The following CHEK2 variants were observed in gnomAD, a reference collection of about 807,000 sequenced individuals.
CHEK2 encodes the protein checkpoint kinase 2, also known as serine/threonine-protein kinase Chk2.
Under a neutral mutation model 69.1 loss-of-function variants are expected in CHEK2, and 71 were observed. That is an observed-to-expected ratio of 1.03 (90% confidence interval 0.85 to 1.25). The LOEUF (loss-of-function observed/expected upper bound fraction) is 1.25, where lower values mean the gene tolerates loss of function less well. CHEK2 is among the 50% of genes most tolerant of loss of function. The probability of loss-of-function intolerance (pLI) is 0.00; values close to 1 mark genes in which losing one functional copy is unlikely to be tolerated. For missense variants in CHEK2, 664 were observed against 649.6 expected (o/e 1.02, Z -0.24); for synonymous variants, 189 against 226.9 (o/e 0.83, Z 1.50).
chr22:28,696,651 A>G lies in CHEK2; in HGVS notation c.1095+250T>C, dbSNP rs5752771. 1 allele frequency among the ~76,000 whole-genome samples: 152,220 copies of G among 152,292 alleles called. 76,074 individuals carry two copies. The highest frequency in any genetic ancestry group is 1 in the Non-Finnish European group (68,028 of 68,028). ...TGGGATTACAGGTGTGAGCCACCAT[A>G]CCCAGCCCACTCGTCCATTTAGACC... On this transcript the variant is annotated intron_variant, in intron 10 of 14. Coordinates refer to ENST00000404276, the MANE Select transcript of CHEK2 (RefSeq NM_007194.4).
chr22:28,695,628 C>T (rs1170360561), intron 11 of CHEK2, 82 bp downstream of exon 11: 43 of 1,207,792 alleles, frequency 3.6e-5, no homozygotes, highest in Non-Finnish European at 5.0e-5. Context: ...TGCATGCCAG[C>T]CTGGACAACA....
chr22:28,701,591 A>T (rs1203875569), intron 8 of CHEK2, among the ~76,000 whole-genome samples: 2 of 152,226 alleles, frequency 1.3e-5, no homozygotes, highest in African/African-American at 4.8e-5. Context: ...TGCCTGCCAC[A>T]ATAGCTGCTC....
chr22:28,709,014 G>C (rs1438374747), intron 7 of CHEK2: 8 of 411,208 alleles, frequency 1.9e-5, no homozygotes, highest in African/African-American at 4.3e-5. Context: ...TCATTAGCTG[G>C]ACAGGAGAGA....
At chr22:28,729,540 CAA>C (rs58149342) in intron 2 of CHEK2, among the ~76,000 whole-genome samples, 68 of 83,056 alleles carry the variant, frequency 8.2e-4, no homozygotes, top group Non-Finnish European at 1.2e-3. Flanking sequence ...GACTCCATCT[CAA>C]AAAAAAAAAA....
chr22:28,728,537 CA>C (rs2054085737), intron 2 of CHEK2, among the ~76,000 whole-genome samples: 1 of 151,714 alleles, frequency 6.6e-6, no homozygotes, highest in Non-Finnish European at 1.5e-5. Context: ...CTACTAAAAA[CA>C]AAACAAAAAA....
Position 28,692,792 on chromosome 22 carries a change from G to T in CHEK2, c.1461+1240C>A, listed in dbSNP as rs1013759829. ...ATTGTAATCCCCAGGTGTTGAGAAA[G>T]GGACCTGTTGAGAGGTGATTGGCTC... On this transcript the variant is annotated intron_variant, in intron 13 of 14. Coordinates refer to ENST00000404276, the MANE Select transcript of CHEK2 (RefSeq NM_007194.4). Among the ~76,000 whole-genome samples the T allele has an allele frequency of 2.6e-4, 39 of 152,228 alleles. 1 individual carries two copies. Among genetic ancestry groups the T allele is most frequent in the Non-Finnish European group, 1.5e-5 (1 of 68,048 alleles).
chr22:28,737,336 A>T (rs975034387), intron 1 of CHEK2: 11 of 464,502 alleles, frequency 2.4e-5, no homozygotes, highest in African/African-American at 2.2e-4. Flanking sequence ...TTTCAGTAAA[A>T]GGAAACACTT....
chr22:28,711,766 T>C lies in CHEK2; in HGVS notation c.792+143A>G, dbSNP rs2053399440. On this transcript the variant is annotated intron_variant, in intron 6 of 14. Transcript: ENST00000404276. ...TAGATTAATCAAAGATGCCCCAAAA[T>C]TTTCCATGTTCTTTGATACTCACAA... 5 of 666,106 alleles carry C rather than the reference T, an allele frequency of 7.5e-6. No homozygotes were observed. In the South Asian group the frequency reaches 8.5e-5, roughly 11 times the overall value. The allele number at this position is 666,106 out of a possible 1,614,324, so 41.3% of individuals were successfully genotyped here.
chr22:28,696,258 T>G (rs2052581382), intron 10 of CHEK2, among the ~76,000 whole-genome samples: 1 of 152,226 alleles, frequency 6.6e-6, no homozygotes. Context: ...TGCTTATACC[T>G]GAGTGCCACT....
Position 28,711,898 on chromosome 22 carries a change from T to C in CHEK2, c.792+11A>G, listed in dbSNP as rs765935437. The C allele has an allele frequency of 3.8e-6, 6 of 1,564,744 alleles. No individual in the cohort carries two copies. Among genetic ancestry groups the C allele is most frequent in the Admixed American group, 3.3e-5 (2 of 59,966 alleles). ...TTAATAAAAGGTGATCAGCCTTTTA[T>C]TGGTACTTACTGCCTCTCTTGCTGA... On this transcript the variant is annotated intron_variant, in intron 6 of 14. Coordinates refer to ENST00000404276, the MANE Select transcript of CHEK2 (RefSeq NM_007194.4).
At chr22:28,702,846 C>G (rs1374458964) in intron 8 of CHEK2, among the ~76,000 whole-genome samples, 1 of 152,128 alleles carries the variant, frequency 6.6e-6, no homozygotes, top group Non-Finnish European at 1.5e-5. Flanking sequence ...TGCACCTGGC[C>G]CTGGATACTT....
intron 1 of CHEK2, 54 bp downstream of exon 1, chr22:28,741,715 T>G (rs1046585348): frequency 1.2e-5 from 3 of 259,570 alleles, no homozygotes; most frequent in Non-Finnish European, 2.3e-5. Flanking sequence ...ACAAAACGCT[T>G]AAGATGGGAT....
chr22:28,737,037 A>G (rs1407155458), intron 1 of CHEK2, among the ~76,000 whole-genome samples: 1 of 152,148 alleles, frequency 6.6e-6, no homozygotes, highest in African/African-American at 2.4e-5. Flanking sequence ...TAACAAAAAA[A>G]AGGGAGGGAG....
At chr22:28,727,086 G>A (rs1484379618) in intron 2 of CHEK2, among the ~76,000 whole-genome samples, 2 of 152,088 alleles carry the variant, frequency 1.3e-5, no homozygotes, top group East Asian at 1.9e-4. Flanking sequence ...CTGTCGCCCA[G>A]GCTGGAGTGC....
At chr22:28,735,134 G>A (rs918056738) in intron 1 of CHEK2, among the ~76,000 whole-genome samples, 10 of 152,074 alleles carry the variant, frequency 6.6e-5, no homozygotes, top group African/African-American at 1.7e-4. Context: ...GGGGCCAGGC[G>A]CGGGGGTTCA....
Position 28,734,715 on chromosome 22 carries a change from G to T in CHEK2, c.7C>A (p.Arg3=). ...TGCTGAGCCTCAACATCCGACTCCC[G>T]AGACATCACGACCTCAAAAAGAAAG... MS[R]ESDVEAQQSH... is the part of the protein sequence containing the mutation. Residue 3 remains arginine (R), a synonymous_variant, in exon 2 of 15, where the codon CGG becomes AGG. Transcript: ENST00000404276. The T allele has an allele frequency of 6.2e-7, 1 of 1,612,918 alleles. No individual in the cohort carries two copies. Among genetic ancestry groups the T allele is most frequent in the East Asian group, 2.2e-5 (1 of 44,864 alleles).
chr22:28,697,876 A>G (rs547500657), intron 9 of CHEK2, among the ~76,000 whole-genome samples: 3 of 152,118 alleles, frequency 2.0e-5, no homozygotes, highest in Non-Finnish European at 2.9e-5. Flanking sequence ...CTGCCTGGCC[A>G]TATTTTTTTA....
intron 8 of CHEK2, among the ~76,000 whole-genome samples, chr22:28,702,064 A>G (rs138299212): frequency 6.8e-6 from 1 of 147,450 alleles, no homozygotes; most frequent in African/African-American, 2.5e-5. Flanking sequence ...TGATCCTCCC[A>G]CCTCAGCCTC....
At chr22:28,707,821 T>C (rs2053206148) in intron 7 of CHEK2, among the ~76,000 whole-genome samples, 1 of 150,294 alleles carries the variant, frequency 6.7e-6, no homozygotes, top group Admixed American at 6.7e-5. Flanking sequence ...CCTGAGCATT[T>C]GTGTTTATCT....
Sources: allele counts gnomAD v4.1 joint callset (sites outside exome capture counted in the v4.1 genomes callset), GRCh38; gene constraint gnomAD v4.1.1; transcripts MANE v1.5; gene names NCBI Gene and HGNC (gene_info 2026-07-23, HGNC 2026-07-21).